The following KHDC1 variants were observed in gnomAD, a reference collection of about 807,000 sequenced individuals.
KHDC1 encodes KH homology domain-containing protein 1.
Under a neutral mutation model 24.7 loss-of-function variants are expected in KHDC1, and 21 were observed. That is an observed-to-expected ratio of 0.85 (90% CI 0.60 to 1.23). KHDC1 has a LOEUF of 1.23. Ranked by LOEUF, KHDC1 falls within the 50% of genes most tolerant of loss-of-function variation. The probability of loss-of-function intolerance (pLI) is 0.00; values close to 1 mark genes in which losing one functional copy is unlikely to be tolerated. For missense variants in KHDC1, 274 were observed against 298.5 expected, an observed-to-expected ratio of 0.92 and a Z score of 0.61; for synonymous variants, 98 against 111.7, an observed-to-expected ratio of 0.88 and a Z score of 0.77.
chr6:73,272,775 C>T (rs72949741), intron 2 of KHDC1, among the ~76,000 whole-genome samples: 21,967 of 149,098 alleles, frequency 0.15, 1,672 homozygotes, highest in African/African-American at 0.17. Context: ...GACTCCATCC[C>T]GGGGGGGAAA....
At chr6:73,265,289 G>A (rs1767059313) in intron 2 of KHDC1, among the ~76,000 whole-genome samples, 1 of 152,190 alleles carries the variant, frequency 6.6e-6, no homozygotes, top group Admixed American at 6.5e-5. Context: ...AAGGAATTCG[G>A]TGTACAGAAA....
intron 1 of KHDC1, among the ~76,000 whole-genome samples, chr6:73,298,364 T>C (rs1002646327): frequency 2.0e-5 from 3 of 151,142 alleles, no homozygotes; most frequent in African/African-American, 7.3e-5. Flanking sequence ...TTCTTCCCAT[T>C]ACTAGGCTAT....
chr6:73,242,826 A>G (rs544123799), intron 2 of KHDC1, among the ~76,000 whole-genome samples: 2 of 152,246 alleles, frequency 1.3e-5, no homozygotes, highest in African/African-American at 4.8e-5. Context: ...GAGCAGATCT[A>G]CTGGGTATGA....
intron 1 of KHDC1, among the ~76,000 whole-genome samples, chr6:73,309,103 G>T (rs946067952): frequency 6.6e-6 from 1 of 152,244 alleles, no homozygotes; most frequent in Non-Finnish European, 1.5e-5. Flanking sequence ...TTACAGGCGT[G>T]AGCCAACGCG....
intron 1 of KHDC1, among the ~76,000 whole-genome samples, chr6:73,303,432 A>C (rs1767910873): frequency 6.6e-6 from 1 of 152,230 alleles, no homozygotes; most frequent in African/African-American, 2.4e-5. Flanking sequence ...GTGATGGTTT[A>C]GGCAGAAACA....
In KHDC1 at chr6:73,294,463, A is replaced by C. The variant is rs528288769; in HGVS notation, c.164-2423T>G. 5.3e-5 allele frequency among the ~76,000 whole-genome samples: 8 copies of C among 152,208 alleles called. 1 individual carries two copies. In the South Asian group the frequency reaches 1.7e-3, roughly 32 times the overall value. On this transcript the variant is annotated intron_variant, in intron 1 of 4. Coordinates refer to ENST00000370384, the Ensembl canonical transcript of KHDC1. ...TAACTAGCAGCTACTTCCTAATTTG[A>C]TATGTAGCATCCCGTATTAACAGGA...
At chr6:73,298,787 G>A (rs1011068810) in intron 1 of KHDC1, among the ~76,000 whole-genome samples, 1 of 151,942 alleles carries the variant, frequency 6.6e-6, no homozygotes, top group African/African-American at 2.4e-5. Context: ...ACCCAGTCTG[G>A]AATGCAGTGG....
At chr6:73,274,104 C>T (rs1767234135) in intron 2 of KHDC1, 1 of 152,070 alleles carries the variant, frequency 6.6e-6, no homozygotes, top group Non-Finnish European at 1.5e-5. Flanking sequence ...GACCCTTTCT[C>T]TAAAAAAACA....
intron 2 of KHDC1, among the ~76,000 whole-genome samples, chr6:73,252,905 T>A (rs1766806957): frequency 6.6e-6 from 1 of 152,120 alleles, no homozygotes; most frequent in African/African-American, 2.4e-5. Flanking sequence ...TCTGTCCCAA[T>A]AAAACTTTAT....
At chr6:73,309,769 T>G in exon 1 of KHDC1, 1 of 1,524,632 alleles carries the variant, frequency 6.6e-7, no homozygotes. Context: ...GTAGTACAGC[T>G]CCTCCCGCCA....
intron 1 of KHDC1, among the ~76,000 whole-genome samples, chr6:73,296,474 A>G (rs1490291539): frequency 1.3e-5 from 2 of 152,156 alleles, no homozygotes; most frequent in Non-Finnish European, 2.9e-5. Flanking sequence ...ACACACACAT[A>G]CACAAATCTA....
At chr6:73,263,602 G>T (rs1159475836) in intron 2 of KHDC1, among the ~76,000 whole-genome samples, 1 of 48,906 alleles carries the variant, frequency 2.0e-5, no homozygotes, top group Non-Finnish European at 6.0e-5. Flanking sequence ...CTGGGGAGGG[G>T]TGTCGCGGTG....
At chr6:73,279,571 A>G (rs911404691) in intron 2 of KHDC1, among the ~76,000 whole-genome samples, 6 of 142,564 alleles carry the variant, frequency 4.2e-5, no homozygotes, top group African/African-American at 1.3e-4. Context: ...ACATGGGACC[A>G]TGGATTTTTT....
Position 73,292,447 on chromosome 6 carries a change from C to T in KHDC1, c.164-407G>A, listed in dbSNP as rs187795341. On this transcript the variant is annotated intron_variant, in intron 1 of 4. Coordinates refer to ENST00000370384, the Ensembl canonical transcript of KHDC1. ...TCAGAGTGTTGGTTCCAGCAACAGA[C>T]AGAAATGCTGTAAGTTCACTCTGGG... is the stretch of plus-strand genomic sequence containing the variant. The T allele has an allele frequency of 1.4e-4, 105 of 773,884 alleles. 2 individuals are homozygous for T. The African/African-American group carries it at 1.7e-3, about 13-fold the overall frequency. The allele number at this position is 773,884 out of a possible 1,614,324, so 47.9% of individuals were successfully genotyped here.
At chr6:73,297,054 C>A (rs1767771644) in intron 1 of KHDC1, among the ~76,000 whole-genome samples, 1 of 152,066 alleles carries the variant, frequency 6.6e-6, no homozygotes, top group Non-Finnish European at 1.5e-5. Context: ...GCACGTGCCA[C>A]CATGCCTGGC....
chr6:73,293,859 A>T (rs1191603012), intron 1 of KHDC1, among the ~76,000 whole-genome samples: 7 of 152,040 alleles, frequency 4.6e-5, no homozygotes, highest in Non-Finnish European at 1.0e-4. Context: ...CACAAAAATT[A>T]GCCGGGCATG....
intron 1 of KHDC1, chr6:73,292,336 G>C: frequency 1.1e-6 from 1 of 898,326 alleles, no homozygotes; most frequent in Non-Finnish European, 1.9e-6. Context: ...GTTTTAGGCA[G>C]GAGTATTTAG....
chr6:73,276,941 A>T (rs903862773), intron 2 of KHDC1, among the ~76,000 whole-genome samples: 1 of 152,242 alleles, frequency 6.6e-6, no homozygotes, highest in Non-Finnish European at 1.5e-5. Context: ...TTGTTCCCAC[A>T]TGAAGAAAAA....
At chr6:73,295,002 A>G (rs1166701794) in intron 1 of KHDC1, among the ~76,000 whole-genome samples, 1 of 152,002 alleles carries the variant, frequency 6.6e-6, no homozygotes, top group Non-Finnish European at 1.5e-5. Flanking sequence ...AAAAATATAA[A>G]AAGTCACCAG....
Sources: allele counts gnomAD v4.1 joint callset (sites outside exome capture counted in the v4.1 genomes callset), GRCh38; gene constraint gnomAD v4.1.1; transcripts MANE v1.5; gene names NCBI Gene and HGNC (gene_info 2026-07-23, HGNC 2026-07-21).